Variants in MAP3K13 observed in about 807,000 individuals in gnomAD.
The protein encoded by MAP3K13 is leucine zipper-bearing kinase.
A neutral mutation model predicts 104.0 loss-of-function variants in MAP3K13; 52 were observed. The observed-to-expected ratio is 0.50, with a 90% CI of 0.40 to 0.63. The LOEUF (loss-of-function observed/expected upper bound fraction) is 0.63, where lower values mean the gene tolerates loss of function less well. MAP3K13 is among the 20% of genes least tolerant of loss of function. The pLI is 0.00. For missense variants in MAP3K13, 914 were observed against 1,218.5 expected, an observed-to-expected ratio of 0.75 and a Z score of 3.72; for synonymous variants, 394 against 442.2, an observed-to-expected ratio of 0.89 and a Z score of 1.37.
intron 1 of MAP3K13, among the ~76,000 whole-genome samples, chr3:185,390,615 G>T (rs1488419214): frequency 1.4e-5 from 2 of 147,980 alleles, no homozygotes; most frequent in Non-Finnish European, 3.0e-5. Context: ...TCACTTTACA[G>T]TCAGAATTTT....
intron 2 of MAP3K13, among the ~76,000 whole-genome samples, chr3:185,341,751 T>C (rs1164078113): frequency 6.6e-6 from 1 of 152,196 alleles, no homozygotes; most frequent in Non-Finnish European, 1.5e-5. Context: ...AGGTCAGAGA[T>C]TGGCAAACTA....
At chr3:185,449,070 T>C (rs1239114795) in intron 5 of MAP3K13, among the ~76,000 whole-genome samples, 3 of 152,230 alleles carry the variant, frequency 2.0e-5, no homozygotes, top group Non-Finnish European at 4.4e-5. Flanking sequence ...TTAGATTTCA[T>C]GGTTTAAAAA....
intron 2 of MAP3K13, among the ~76,000 whole-genome samples, chr3:185,346,987 GTTTTTTTTTT>G (rs201877429): frequency 7.8e-6 from 1 of 127,690 alleles, no homozygotes; most frequent in South Asian, 2.6e-4. Flanking sequence ...CACAAAGGAA[GTTTTTTTTTT>G]TTTTTTTTTA....
intron 1 of MAP3K13, among the ~76,000 whole-genome samples, chr3:185,380,306 A>G (rs1457283937): frequency 3.4e-5 from 5 of 147,828 alleles, no homozygotes; most frequent in Admixed American, 2.7e-4. Flanking sequence ...AGGTTAAGAG[A>G]TAGAGACCAT....
At chr3:185,370,807 A>G (rs1724119614) in intron 1 of MAP3K13, among the ~76,000 whole-genome samples, 1 of 147,996 alleles carries the variant, frequency 6.8e-6, no homozygotes, top group African/African-American at 2.5e-5. Context: ...CTAATAGGGG[A>G]TGTGGCTACC....
At chr3:185,466,677 G>T in intron 9 of MAP3K13, 149 bp from the exon 10 acceptor site, 1 of 944,294 alleles carries the variant, frequency 1.1e-6, no homozygotes, top group South Asian at 1.6e-5. Flanking sequence ...GAGCCCGGCT[G>T]TTTGTTTGTT....
chr3:185,455,690 A>G (rs866125092), intron 7 of MAP3K13, among the ~76,000 whole-genome samples: 2 of 18,980 alleles, frequency 1.1e-4, no homozygotes, highest in Non-Finnish European at 1.6e-4. Flanking sequence ...AGATATATAT[A>G]TGATATATAT....
At chr3:185,301,768 A>C (rs1457107283) in intron 2 of MAP3K13, among the ~76,000 whole-genome samples, 1 of 152,186 alleles carries the variant, frequency 6.6e-6, no homozygotes, top group East Asian at 1.9e-4. Context: ...CCCTTGTCAA[A>C]GATCATTTGA....
intron 1 of MAP3K13, among the ~76,000 whole-genome samples, chr3:185,380,612 G>T (rs1342443241): frequency 1.3e-5 from 2 of 152,074 alleles, no homozygotes; most frequent in Non-Finnish European, 2.9e-5. Flanking sequence ...TAACAAGCTG[G>T]CTAGGTAATG....
chr3:185,351,838 A>G (rs1238397042), intron 2 of MAP3K13, among the ~76,000 whole-genome samples: 2 of 152,220 alleles, frequency 1.3e-5, no homozygotes, highest in African/African-American at 4.8e-5. Context: ...TAGCAACCCT[A>G]AAGCAGGCAG....
chr3:185,322,582 T>A (rs1028797108), intron 2 of MAP3K13, among the ~76,000 whole-genome samples: 5 of 152,244 alleles, frequency 3.3e-5, no homozygotes, highest in Admixed American at 3.3e-4. Context: ...CTCTGTATAA[T>A]CTTTCTCAGT....
chr3:185,393,830 C>CT (rs566875452), intron 1 of MAP3K13, among the ~76,000 whole-genome samples: 221 of 152,256 alleles, frequency 1.5e-3, no homozygotes, highest in African/African-American at 5.1e-3. Flanking sequence ...ACTCAATCAT[C>CT]TTTTTTTAAC....
chr3:185,292,087 C>T, intron 2 of MAP3K13: 1 of 740,558 alleles, frequency 1.4e-6, no homozygotes, highest in Non-Finnish European at 1.6e-6. Context: ...GCTGGATGCC[C>T]CAAGGTCAGG....
intron 1 of MAP3K13, among the ~76,000 whole-genome samples, chr3:185,394,736 A>G (rs1712278087): frequency 6.6e-6 from 1 of 152,236 alleles, no homozygotes; most frequent in Non-Finnish European, 1.5e-5. Flanking sequence ...TCATGTTTCC[A>G]GTAACTAAAT....
chr3:185,483,022 A>G lies in MAP3K13; in HGVS notation c.*566A>G, dbSNP rs143575664. ...CAGCAAAAGAAAAGCAATTCCAGGCAACTTGTGAACAGACCATATTCACTT... is the reference window on the plus strand; with the variant it reads ...CAGCAAAAGAAAAGCAATTCCAGGCGACTTGTGAACAGACCATATTCACTT... On this transcript the variant is annotated 3_prime_UTR_variant, in exon 14 of 14. Transcript: ENST00000265026. 5.0e-4 allele frequency: 116 copies of G among 232,034 alleles called. No individual in the cohort carries two copies. Among genetic ancestry groups the G allele is most frequent in the African/African-American group, 2.5e-3 (112 of 45,396 alleles). 14.4% of individuals were successfully genotyped at this position (232,034 alleles called of 1,614,324 possible). A position where few individuals can be genotyped will look rare whatever the true frequency, so the allele number is the denominator to read the frequency against.
intron 2 of MAP3K13, chr3:185,329,164 G>A (rs1310690846): frequency 5.7e-6 from 4 of 701,044 alleles, no homozygotes; most frequent in African/African-American, 1.7e-5. Flanking sequence ...GTATCAGCAA[G>A]TGTGCTGCTA....
chr3:185,401,866 T>C (rs962842643), intron 1 of MAP3K13, among the ~76,000 whole-genome samples: 2 of 152,168 alleles, frequency 1.3e-5, no homozygotes, highest in Non-Finnish European at 2.9e-5. Flanking sequence ...GTCAGCTCTT[T>C]CTTTTTGGTA....
chr3:185,308,901 T>G (rs1337565472), intron 2 of MAP3K13, among the ~76,000 whole-genome samples: 1 of 152,176 alleles, frequency 6.6e-6, no homozygotes, highest in Non-Finnish European at 1.5e-5. Context: ...TTGCCTGGGA[T>G]ACTGTGACTT....
rs1189923624 is a variant in MAP3K13, at chr3:185,455,083, GAT to G, written c.1278+3697_1278+3698del. 5.4e-3 allele frequency among the ~76,000 whole-genome samples: 503 copies of G among 93,790 alleles called. 14 individuals are homozygous for G. The highest frequency in any genetic ancestry group is 8.0e-3 in the Non-Finnish European group (395 of 49,662). The allele number at this position is 93,790 out of a possible 152,430, so 61.5% of individuals were successfully genotyped here. The stretch of plus-strand genomic sequence containing the variant: ...TGAGATATATATGAGATATATGTGA[GAT>G]ATATATATGAGATATATGTGAGATA... On this transcript the variant is annotated intron_variant, in intron 7 of 13. Coordinates refer to ENST00000265026, the MANE Select transcript of MAP3K13 (RefSeq NM_004721.5).
Sources: allele counts gnomAD v4.1 joint callset (sites outside exome capture counted in the v4.1 genomes callset), GRCh38; gene constraint gnomAD v4.1.1; transcripts MANE v1.5; gene names NCBI Gene and HGNC (gene_info 2026-07-23, HGNC 2026-07-21).